Variants in ZNF653 observed in about 807,000 individuals in gnomAD.
The protein encoded by ZNF653 is 67 kDa zinc finger protein.
A neutral mutation model predicts 59.9 loss-of-function variants in ZNF653; 37 were observed. The ratio of observed to expected loss-of-function variants is 0.62; its 90% CI spans 0.48 to 0.81. ZNF653 has a LOEUF of 0.81. Among genes scored for constraint, ZNF653 ranks in the 40% least tolerant of loss-of-function variants. The pLI is 0.00. For missense variants in ZNF653, 808 were observed against 881.1 expected (o/e 0.92, Z 1.05); for synonymous variants, 435 against 371.8 (o/e 1.17, Z -1.96).
At chr19:11,504,481 T>C in intron 1 of ZNF653, 8 of 980,666 alleles carry the variant, frequency 8.2e-6, no homozygotes, top group South Asian at 4.7e-5. Context: ...CCCACCAGAA[T>C]GTCCGCTCCA....
chr19:11,498,351 A>G lies in ZNF653; in HGVS notation c.300-12T>C, dbSNP rs368263449. ...GCTCCCAAGGCTTCCTGCAACAGAA[A>G]GAGGCAGAGAGGGTGAACGGGGGAC... On this transcript the variant is annotated splice_polypyrimidine_tract_variant and intron_variant, in intron 1 of 8. Coordinates refer to ENST00000293771, the MANE Select transcript of ZNF653 (RefSeq NM_138783.4). 8 of 1,613,910 alleles carry G rather than the reference A, an allele frequency of 5.0e-6. No homozygotes were observed. The highest frequency in any genetic ancestry group is 4.0e-5 in the African/African-American group (3 of 74,932).
At chr19:11,485,901 T>G in intron 6 of ZNF653, 131 bp from the exon 7 acceptor site, 1 of 686,260 alleles carries the variant, frequency 1.5e-6, no homozygotes, top group Non-Finnish European at 2.6e-6. Context: ...GGGGTACCCT[T>G]GCCCAGCTCA....
Position 11,505,500 on chromosome 19 carries a change from C to T in ZNF653, c.287G>A (p.Ser96Asn). 6.7e-7 allele frequency: 1 copy of T among 1,489,626 alleles called. No individual in the cohort carries two copies. Among genetic ancestry groups the T allele is most frequent in the Non-Finnish European group, 8.8e-7 (1 of 1,132,754 alleles). 92.3% of individuals were successfully genotyped at this position (1,489,626 alleles called of 1,614,324 possible). ...CAGGCCCCCTCACCCGTGGCGGCCG[C>T]TCCGCTGGCCGCGCTCCAGAGAGAT... ...YLISLERGQR[S>N]GRHGKPWEQV... Residue 96 changes from serine (S) to asparagine (N), a missense_variant, in exon 1 of 9, where the codon AGC becomes AAC. Physicochemically the swap from Ser to Asn is conservative, Grantham distance 46. Coordinates refer to ENST00000293771, the MANE Select transcript of ZNF653 (RefSeq NM_138783.4).
chr19:11,505,795 C>T lies in ZNF653; in HGVS notation c.-9G>A, dbSNP rs1971717377. On this transcript the variant is annotated 5_prime_UTR_variant, in exon 1 of 9. It adds an upstream start codon to the 5' untranslated region. Coordinates refer to ENST00000293771, the MANE Select transcript of ZNF653 (RefSeq NM_138783.4). Reference sequence around the variant, plus strand: ...AGCGCCCGCTCCGCCATCCCCCCCACCCTGGTTACCAGCCTCCCCCGTTGT... The same window carrying T: ...AGCGCCCGCTCCGCCATCCCCCCCATCCTGGTTACCAGCCTCCCCCGTTGT... The T allele has an allele frequency of 5.7e-6, 8 of 1,392,686 alleles. No individual in the cohort carries two copies. Among genetic ancestry groups the T allele is most frequent in the Non-Finnish European group, 7.4e-6 (8 of 1,082,858 alleles). The allele number at this position is 1,392,686 out of a possible 1,614,324, so 86.3% of individuals were successfully genotyped here.
chr19:11,498,495 G>T (rs1419604970), intron 1 of ZNF653, among the ~76,000 whole-genome samples, 156 bp from the exon 2 acceptor site: 3 of 152,200 alleles, frequency 2.0e-5, no homozygotes, highest in African/African-American at 7.2e-5. Flanking sequence ...CCAGGCTAGA[G>T]TGCAGTGGTG....
rs1334254943 is a variant in ZNF653 at position 11,487,659 on chromosome 19, A to G, written c.804T>C (p.Asn268=). The stretch of plus-strand genomic sequence containing the variant: ...CCACTGTCTCCAGGGCTTCAGGCCC[A>G]TTGCCTGCTGGGTTGGAGCACAGCG... ...GTPLCSNPAG[N]GPEALETVVC... The change falls in exon 4 of 9, where the codon AAT becomes AAC. Residue 268 remains asparagine, a synonymous_variant. Transcript: ENST00000293771. The surrounding 1 kb of genome is among the most constrained non-coding windows in gnomAD (Gnocchi z 5.1). 6.2e-7 allele frequency: 1 copy of G among 1,613,834 alleles called. No homozygotes were observed. The highest frequency in any genetic ancestry group is 1.7e-5 in the Admixed American group (1 of 60,032).
At position 11,495,441 on chromosome 19, in the gene ZNF653, A is replaced by G. The variant is rs1971576392; in HGVS notation, c.559+509T>C. ...AAATGGGGAACAGGAGGGAAACAGA[A>G]TGGAGGGGGAAGGCAAGAAACGAAG... On this transcript the variant is annotated intron_variant, in intron 3 of 8. Coordinates refer to ENST00000293771, the MANE Select transcript of ZNF653 (RefSeq NM_138783.4). This position sits in a 1 kb window ranked among gnomAD's most constrained non-coding sequence, Gnocchi z 4.9. 1 of 171,334 alleles carries G rather than the reference A, an allele frequency of 5.8e-6. No homozygotes were observed. The highest frequency in any genetic ancestry group is 1.3e-5 in the Non-Finnish European group (1 of 78,510). The allele number at this position is 171,334 out of a possible 1,614,324, so 10.6% of individuals were successfully genotyped here. A position where few individuals can be genotyped will look rare whatever the true frequency, so the allele number is the denominator to read the frequency against.
At chr19:11,504,712 A>G (rs1971688725) in intron 1 of ZNF653, 1 of 304,228 alleles carries the variant, frequency 3.3e-6, no homozygotes, top group Admixed American at 6.5e-5. Context: ...AATAAACGTC[A>G]TCCTCGTAAA....
chr19:11,488,604 CTTTTT>C (rs111509713), intron 3 of ZNF653, among the ~76,000 whole-genome samples: 4 of 143,122 alleles, frequency 2.8e-5, no homozygotes, highest in East Asian at 4.2e-4. Context: ...CTTTTCTTTT[CTTTTT>C]TTTTTTGAGA....
rs748873022 is a variant in ZNF653 at position 11,487,260 on chromosome 19, C to T, written c.1171+32G>A. The T allele has an allele frequency of 3.1e-6, 5 of 1,603,372 alleles. No homozygotes were observed. Among genetic ancestry groups the T allele is most frequent in the Admixed American group, 3.4e-5 (2 of 59,534 alleles). On this transcript the variant is annotated intron_variant, in intron 4 of 8. Transcript: ENST00000293771. The surrounding 1 kb of genome is among the most constrained non-coding windows in gnomAD (Gnocchi z 5.1). The stretch of plus-strand genomic sequence containing the variant: ...CCGGCCCCTCCCAGGCCCAACCACC[C>T]CTGGCCAGAGGCCACGACAGGTCCC...
intron 6 of ZNF653, among the ~76,000 whole-genome samples, chr19:11,486,337 G>A (rs1471579874): frequency 6.6e-6 from 1 of 152,182 alleles, no homozygotes; most frequent in Non-Finnish European, 1.5e-5. Flanking sequence ...GGGCCCAGCT[G>A]TTAGCCCAAT....
Position 11,487,874 on chromosome 19 carries a change from C to A in ZNF653, c.589G>T (p.Asp197Tyr). Residue 197 changes from aspartate (D) to tyrosine (Y), a missense_variant, in exon 4 of 9, where the codon GAC becomes TAC. Physicochemically the swap from Asp to Tyr is radical, Grantham distance 160. Coordinates refer to ENST00000293771, the MANE Select transcript of ZNF653 (RefSeq NM_138783.4). This position sits in a 1 kb window ranked among gnomAD's most constrained non-coding sequence, Gnocchi z 5.1. ...GAGGCAGAGCCAGAGCTGGATGAGT[C>A]AGAGCTGCCAGCCACCAGCCCATTG... ...VGNGLVAGSS[D>Y]SSSSGSASDS... is the part of the protein sequence containing the mutation. 1 of 1,597,932 alleles carries A rather than the reference C, an allele frequency of 6.3e-7. No individual in the cohort carries two copies.
At chr19:11,486,653 G>T in intron 6 of ZNF653, 116 bp downstream of exon 6, 2 of 833,622 alleles carry the variant, frequency 2.4e-6, no homozygotes, top group Non-Finnish European at 3.8e-6. Flanking sequence ...CCCTGTCTTT[G>T]CCTTCAGGGA....
At chr19:11,502,737 T>C (rs1256337541) in intron 1 of ZNF653, among the ~76,000 whole-genome samples, 1 of 152,102 alleles carries the variant, frequency 6.6e-6, no homozygotes, top group African/African-American at 2.4e-5. Context: ...ATCTTTACAT[T>C]TAAATCTGCA....
At chr19:11,496,375 G>A (rs1971588662) in intron 2 of ZNF653, among the ~76,000 whole-genome samples, 1 of 152,200 alleles carries the variant, frequency 6.6e-6, no homozygotes, top group Admixed American at 6.5e-5. Context: ...TATTGGCAAA[G>A]TCATGTAAAC....
At chr19:11,496,781 C>A (rs564749433) in intron 2 of ZNF653, among the ~76,000 whole-genome samples, 1 of 152,144 alleles carries the variant, frequency 6.6e-6, no homozygotes. Context: ...GTAGGAGGAT[C>A]GCTTGAGCCT....
intron 1 of ZNF653, among the ~76,000 whole-genome samples, chr19:11,499,936 C>T (rs1275031513): frequency 6.6e-6 from 1 of 151,926 alleles, no homozygotes; most frequent in Admixed American, 6.6e-5. Context: ...CAAACAAAAA[C>T]AAACAAAAAA....
Position 11,487,603 on chromosome 19 carries a change from G to A in ZNF653, c.860C>T (p.Ala287Val), listed in dbSNP as rs747133261. ...GTTCTCAAAGAGGGCGCTGGGGCCCGCACCCACTTGCACAGGCACCGGCAC... is the reference window on the plus strand; with the variant it reads ...GTTCTCAAAGAGGGCGCTGGGGCCCACACCCACTTGCACAGGCACCGGCAC... ...VCVPVPVQVG[A>V]GPSALFENVP... The change falls in exon 4 of 9, where the codon GCG becomes GTG. Residue 287 changes from alanine (A) to valine (V), a missense_variant. Ala to Val is a moderately conservative substitution (Grantham distance 64). Coordinates refer to ENST00000293771, the MANE Select transcript of ZNF653 (RefSeq NM_138783.4). The surrounding 1 kb of genome is among the most constrained non-coding windows in gnomAD (Gnocchi z 5.1). The A allele has an allele frequency of 2.1e-5, 34 of 1,613,730 alleles. No homozygotes were observed. The highest frequency in any genetic ancestry group is 1.6e-4 in the Middle Eastern group (1 of 6,084).
Position 11,496,103 on chromosome 19 carries a change from G to A in ZNF653, c.406C>T (p.Arg136Cys), listed in dbSNP as rs1599566054. Residue 136 changes from arginine (R) to cysteine (C), a missense_variant, in exon 3 of 9, where the codon CGC (arginine) becomes TGC (cysteine). Arg to Cys is a radical substitution (Grantham distance 180, BLOSUM62 -3). Coordinates refer to ENST00000293771, the MANE Select transcript of ZNF653 (RefSeq NM_138783.4). The stretch of plus-strand genomic sequence containing the variant: ...GCCAGGTGCGGCTCGTACGGGCAGC[G>A]GTGCTTGTGGTCCTCGTACCAGATC... ...VVIWYEDHKH[R>C]CPYEPHLAEL... 1.2e-6 allele frequency: 2 copies of A among 1,614,054 alleles called. No homozygotes were observed. The highest frequency in any genetic ancestry group is 1.1e-5 in the South Asian group (1 of 91,080).
Sources: gnomAD v4.1 joint callset for allele counts (sites outside exome capture counted in the v4.1 genomes callset) on GRCh38, gnomAD v4.1.1 for gene constraint, Gnocchi (gnomAD v3.1) non-coding constraint, MANE v1.5 for transcripts, NCBI Gene and HGNC (gene_info 2026-07-23, HGNC 2026-07-21) for gene names.